The following ODF2L variants were observed in gnomAD, a reference collection of about 807,000 sequenced individuals.
The protein encoded by ODF2L is outer dense fiber of sperm tails 2 like.
A neutral mutation model predicts 86.3 loss-of-function variants in ODF2L; 76 were observed. The observed-to-expected ratio is 0.88, with a 90% CI of 0.73 to 1.07. The LOEUF (loss-of-function observed/expected upper bound fraction) is 1.07. Ranked by LOEUF, ODF2L falls within the 50% of genes least tolerant of loss-of-function variation. The pLI is 0.00. For missense variants in ODF2L, 748 were observed against 717.4 expected (o/e 1.04, Z -0.49); for synonymous variants, 241 against 231.3 (o/e 1.04, Z -0.38).
chr1:86,349,037 C>A, downstream of ODF2L: 1 of 612,562 alleles, frequency 1.6e-6, no homozygotes, highest in Non-Finnish European at 2.3e-6. Context: ...AGAGCTCACT[C>A]TTTAAAATTA....
intron 14 of ODF2L, 42 bp downstream of exon 13, chr1:86,356,402 C>A (rs1658561192): frequency 6.5e-7 from 1 of 1,540,174 alleles, no homozygotes; most frequent in Non-Finnish European, 8.8e-7. Context: ...CCAAAGCATT[C>A]TTTTAACGCA....
At chr1:86,353,736 A>C (rs931459215) in intron 16 of ODF2L, among the ~76,000 whole-genome samples, 2 of 152,102 alleles carry the variant, frequency 1.3e-5, no homozygotes, top group Non-Finnish European at 2.9e-5. Flanking sequence ...TCCAAGCACA[A>C]TTATGCATGA....
At chr1:86,390,290 G>A (rs767153728) in intron 1 of ODF2L, among the ~76,000 whole-genome samples, 5 of 152,074 alleles carry the variant, frequency 3.3e-5, no homozygotes, top group South Asian at 4.1e-4. Context: ...GCATCGTGGC[G>A]GGTGCCTGTA....
At chr1:86,367,311 C>T (rs1178409457) in intron 11 of ODF2L, among the ~76,000 whole-genome samples, 1 of 152,052 alleles carries the variant, frequency 6.6e-6, no homozygotes, top group Non-Finnish European at 1.5e-5. Context: ...CTAATTTTCT[C>T]TGTCTTAAGG....
intron 7 of ODF2L, among the ~76,000 whole-genome samples, chr1:86,376,855 G>A (rs1418663067): frequency 6.6e-6 from 1 of 152,146 alleles, no homozygotes; most frequent in Non-Finnish European, 1.5e-5. Flanking sequence ...TTCAAAATGA[G>A]ATTTGGGTGG....
intron 1 of ODF2L, among the ~76,000 whole-genome samples, chr1:86,395,199 A>G (rs1394623868): frequency 6.6e-6 from 1 of 152,192 alleles, no homozygotes; most frequent in Non-Finnish European, 1.5e-5. Flanking sequence ...AACCTCATTC[A>G]TTCAAAAACA....
intron 11 of ODF2L, among the ~76,000 whole-genome samples, chr1:86,364,940 A>G (rs937293829): frequency 3.8e-4 from 58 of 152,364 alleles, no homozygotes; most frequent in African/African-American, 1.3e-3. Context: ...TTGCTGAAAT[A>G]TAAAAGAAAC....
downstream of ODF2L, chr1:86,349,245 T>C (rs1364608532): frequency 6.5e-6 from 1 of 152,842 alleles, no homozygotes; most frequent in East Asian, 1.9e-4. Flanking sequence ...TCCAAAATAA[T>C]TAAATGTCTT....
intron 11 of ODF2L, among the ~76,000 whole-genome samples, chr1:86,363,291 A>G (rs1165556529): frequency 6.6e-6 from 1 of 152,192 alleles, no homozygotes; most frequent in Non-Finnish European, 1.5e-5. Flanking sequence ...ATTGACATGG[A>G]GATGTCAATC....
intron 14 of ODF2L, among the ~76,000 whole-genome samples, chr1:86,355,743 T>C (rs1306302600): frequency 6.6e-6 from 1 of 152,094 alleles, no homozygotes; most frequent in East Asian, 1.9e-4. Context: ...CCACGTGTTC[T>C]CATCATTTAG....
chr1:86,355,566 C>T (rs1440498748), intron 14 of ODF2L, among the ~76,000 whole-genome samples: 1 of 151,840 alleles, frequency 6.6e-6, no homozygotes, highest in East Asian at 2.0e-4. Context: ...GGTACAAATG[C>T]AGGTTTGTTA....
At chr1:86,372,990 G>A (rs991520765) in intron 8 of ODF2L, among the ~76,000 whole-genome samples, 2 of 151,912 alleles carry the variant, frequency 1.3e-5, no homozygotes, top group African/African-American at 4.8e-5. Context: ...GAGGTGAGGG[G>A]TAAAAGACTA....
intron 11 of ODF2L, among the ~76,000 whole-genome samples, chr1:86,366,253 A>G (rs7541004): frequency 0.32 from 48,186 of 151,916 alleles, 7,769 homozygotes; most frequent in East Asian, 0.41. Context: ...TTATATTAAA[A>G]AAAGGAAGAA....
At chr1:86,348,833 G>T (rs1657936378), downstream of ODF2L, 3 of 1,563,362 alleles carry the variant, frequency 1.9e-6, no homozygotes, top group Non-Finnish European at 2.6e-6. Flanking sequence ...GACTTCTCAA[G>T]ACTATTTTGT....
At chr1:86,354,624 A>C in exon 16 of ODF2L, 1 of 1,611,018 alleles carries the variant, frequency 6.2e-7, no homozygotes, top group South Asian at 1.1e-5. Context: ...GCTGTGCTTA[A>C]GACATTCTTC....
At chr1:86,359,703 T>C (rs1194999599) in intron 12 of ODF2L, among the ~76,000 whole-genome samples, 2 of 151,832 alleles carry the variant, frequency 1.3e-5, no homozygotes, top group Non-Finnish European at 2.9e-5. Context: ...TTTGTATTTT[T>C]AGTAGAGACA....
Position 86,389,957 on chromosome 1 carries a change from T to C in ODF2L, c.-59-2871A>G, listed in dbSNP as rs12023799. 0.011 allele frequency among the ~76,000 whole-genome samples: 1,696 copies of C among 152,184 alleles called. 67 individuals carry two copies. In the East Asian group the frequency reaches 0.12, roughly 10 times the overall value. Reference sequence around the variant, plus strand: ...ATCCACAGCTGAATTCTACCAGACATTCAAAGAACAATTGGTACCAATCCT... The same window carrying C: ...ATCCACAGCTGAATTCTACCAGACACTCAAAGAACAATTGGTACCAATCCT... On this transcript the variant is annotated intron_variant, in intron 1 of 17. Coordinates refer to ENST00000317336, the Ensembl canonical transcript of ODF2L.
At chr1:86,370,080 G>A (rs1479394430) in intron 10 of ODF2L, among the ~76,000 whole-genome samples, 2 of 151,624 alleles carry the variant, frequency 1.3e-5, no homozygotes, top group African/African-American at 4.8e-5. Flanking sequence ...CAAGAAACAA[G>A]TGCATTTCTA....
intron 7 of ODF2L, 53 bp from the exon 8 acceptor site, chr1:86,376,471 T>A: frequency 1.8e-6 from 2 of 1,126,312 alleles, no homozygotes; most frequent in Admixed American, 2.3e-5. Flanking sequence ...AATGTTTATG[T>A]AAACATTGTA....
Sources: gnomAD v4.1 joint callset for allele counts (sites outside exome capture counted in the v4.1 genomes callset) on GRCh38, gnomAD v4.1.1 for gene constraint, MANE v1.5 for transcripts, NCBI Gene and HGNC (gene_info 2026-07-23, HGNC 2026-07-21) for gene names.